MAPK14: variants seen among roughly 807,000 people sequenced by gnomAD.
The protein encoded by MAPK14 is mitogen-activated protein kinase 14.
MAPK14 carries 16 observed loss-of-function variants against 49.6 expected under a neutral mutation model. The observed-to-expected ratio is 0.32, with a 90% CI of 0.22 to 0.49. The LOEUF (loss-of-function observed/expected upper bound fraction) is 0.49, where lower values mean the gene tolerates loss of function less well. Among genes scored for constraint, MAPK14 ranks in the 20% least tolerant of loss-of-function variants. The pLI is 0.99. For missense variants in MAPK14, 200 were observed against 441.2 expected (o/e 0.45, Z 4.90); for synonymous variants, 142 against 158.0 (o/e 0.90, Z 0.76).
chr6:36,037,271 A>G (rs1762789539), intron 1 of MAPK14, among the ~76,000 whole-genome samples: 2 of 152,154 alleles, frequency 1.3e-5, no homozygotes, highest in South Asian at 2.1e-4. Flanking sequence ...AGGATTTACA[A>G]AATTAACCAG....
At chr6:36,075,809 A>G (rs1466199648) in intron 6 of MAPK14, 39 bp from the exon 7 acceptor site, 3 of 1,612,384 alleles carry the variant, frequency 1.9e-6, no homozygotes, top group Non-Finnish European at 8.5e-7. Context: ...GCCTGTTTCT[A>G]AGTCTTAGCA....
At chr6:36,104,605 T>G (rs1765745270) in intron 10 of MAPK14, among the ~76,000 whole-genome samples, 1 of 152,200 alleles carries the variant, frequency 6.6e-6, no homozygotes, top group African/African-American at 2.4e-5. Flanking sequence ...GCCAGGATGG[T>G]CTCGATCTCC....
At chr6:36,096,969 C>T (rs553169917) in intron 9 of MAPK14, 9 of 152,358 alleles carry the variant, frequency 5.9e-5, no homozygotes, top group Non-Finnish European at 8.8e-5. Flanking sequence ...GCTATGGAGC[C>T]AAGCTCCAGT....
At chr6:36,038,979 T>C (rs946700342) in intron 1 of MAPK14, among the ~76,000 whole-genome samples, 7 of 152,250 alleles carry the variant, frequency 4.6e-5, no homozygotes, top group Admixed American at 1.3e-4. Flanking sequence ...TTGACCCTTT[T>C]TCTGCTTTAC....
chr6:36,110,319 CCT>C lies in MAPK14; in HGVS notation c.*1876_*1877del, dbSNP rs1350336904. The C allele has an allele frequency of 3.3e-5, 5 of 152,706 alleles. No homozygotes were observed. The highest frequency in any genetic ancestry group is 1.2e-4 in the African/African-American group (5 of 41,562). 9.5% of individuals were successfully genotyped at this position (152,706 alleles called of 1,614,324 possible). A position where few individuals can be genotyped will look rare whatever the true frequency, so the allele number is the denominator to read the frequency against. On this transcript the variant is annotated 3_prime_UTR_variant, in exon 12 of 12. Transcript: ENST00000229794. Reference sequence around the variant, plus strand: ...GAAGGAGGCAGACTGATGGCGATTCCCTCTCACCCGGGACTCTCCCCCTTTCA... The same window carrying C: ...GAAGGAGGCAGACTGATGGCGATTCCCTCACCCGGGACTCTCCCCCTTTCA...
chr6:36,030,815 T>G (rs370851386), intron 1 of MAPK14, among the ~76,000 whole-genome samples: 160 of 152,310 alleles, frequency 1.1e-3, no homozygotes, highest in African/African-American at 3.8e-3. Context: ...TTTTTTTTAT[T>G]TGCTTGTTTG....
At chr6:36,075,178 A>G (rs1252827282) in intron 6 of MAPK14, among the ~76,000 whole-genome samples, 14 of 145,286 alleles carry the variant, frequency 9.6e-5, no homozygotes, top group African/African-American at 3.6e-4. Context: ...GTGCGCCGAG[A>G]TAGTGCCACT....
chr6:36,080,540 T>C (rs1404463935), intron 8 of MAPK14, among the ~76,000 whole-genome samples: 2 of 152,270 alleles, frequency 1.3e-5, no homozygotes, highest in African/African-American at 4.8e-5. Context: ...TGTATCAGAA[T>C]ACTATTCCAT....
chr6:36,073,623 C>T, intron 4 of MAPK14, 68 bp from the exon 5 acceptor site: 1 of 1,254,850 alleles, frequency 8.0e-7, no homozygotes, highest in Non-Finnish European at 1.1e-6. Context: ...TGAAAATGTG[C>T]AGCAAATATG....
intron 1 of MAPK14, among the ~76,000 whole-genome samples, chr6:36,044,410 G>A (rs953588434): frequency 6.6e-6 from 1 of 152,166 alleles, no homozygotes; most frequent in Non-Finnish European, 1.5e-5. Flanking sequence ...ATACTCTGTG[G>A]ACATGGGCAC....
the MAPK14 span, among the ~76,000 whole-genome samples, chr6:36,119,196 T>C: frequency 5.6e-4 from 85 of 152,322 alleles, no homozygotes; most frequent in African/African-American, 1.8e-3. Context: ...AACAGCTAGA[T>C]AGACACTTTC....
At chr6:36,040,144 A>G (rs1364415813) in intron 1 of MAPK14, among the ~76,000 whole-genome samples, 2 of 152,182 alleles carry the variant, frequency 1.3e-5, no homozygotes, top group East Asian at 3.8e-4. Context: ...TGTATAACCC[A>G]GGGTAATTCA....
intron 1 of MAPK14, among the ~76,000 whole-genome samples, chr6:36,035,385 T>C (rs370548836): frequency 1.1e-3 from 160 of 152,362 alleles, no homozygotes; most frequent in African/African-American, 3.8e-3. Flanking sequence ...GTGTGTGTTC[T>C]GACTGCTCTG....
intron 8 of MAPK14, among the ~76,000 whole-genome samples, chr6:36,091,192 C>T (rs968044639): frequency 1.3e-4 from 20 of 151,816 alleles, no homozygotes; most frequent in Non-Finnish European, 2.5e-4. Flanking sequence ...TTAGAACTGA[C>T]TAGAATATCC....
In MAPK14 at chr6:36,027,965, G is replaced by A. The variant is rs1762371596; in HGVS notation, c.-193G>A. ...TAGCGGGGCTTGCCCCAGTCGCAGG[G>A]GCACATCCAGCCGCTGCGGCTGACA... is the stretch of plus-strand genomic sequence containing the variant. On this transcript the variant is annotated 5_prime_UTR_variant, in exon 1 of 12. Coordinates refer to ENST00000229794, the MANE Select transcript of MAPK14 (RefSeq NM_139012.3). 1.1e-5 allele frequency: 5 copies of A among 437,748 alleles called. No homozygotes were observed. The highest frequency in any genetic ancestry group is 2.0e-5 in the Non-Finnish European group (5 of 252,682). 27.1% of individuals were successfully genotyped at this position (437,748 alleles called of 1,614,324 possible). A position where few individuals can be genotyped will look rare whatever the true frequency, so the allele number is the denominator to read the frequency against.
chr6:36,076,766 C>T (rs1350324901), intron 8 of MAPK14, 158 bp downstream of exon 8: 2 of 475,210 alleles, frequency 4.2e-6, no homozygotes, highest in Non-Finnish European at 7.4e-6. Flanking sequence ...GAGTAGCTTG[C>T]CTTGCCAAGA....
intron 8 of MAPK14, chr6:36,091,844 C>CTTTTTTTTTTTTT (rs1185804651): frequency 3.0e-4 from 37 of 124,644 alleles, no homozygotes; most frequent in South Asian, 3.5e-4. Context: ...CTTTTCTTTT[C>CTTTTTTTTTTTTT]TTTTTTTTTT....
chr6:36,037,056 A>G (rs1207232522), intron 1 of MAPK14, among the ~76,000 whole-genome samples: 2 of 152,136 alleles, frequency 1.3e-5, no homozygotes, highest in Non-Finnish European at 2.9e-5. Flanking sequence ...AAATATTTTT[A>G]AATTAAGGTA....
the MAPK14 span, among the ~76,000 whole-genome samples, chr6:36,120,842 C>T: frequency 1.3e-5 from 2 of 152,128 alleles, no homozygotes; most frequent in Non-Finnish European, 2.9e-5. Context: ...TGAGAGGTGC[C>T]TGGCAAAATT....
Sources: gnomAD v4.1 joint callset for allele counts (sites outside exome capture counted in the v4.1 genomes callset) on GRCh38, gnomAD v4.1.1 for gene constraint, MANE v1.5 for transcripts, NCBI Gene and HGNC (gene_info 2026-07-23, HGNC 2026-07-21) for gene names.